The following FSTL5 variants were observed in gnomAD, a reference collection of about 807,000 sequenced individuals.
The protein encoded by FSTL5 is follistatin-related protein 5.
A neutral mutation model predicts 89.1 loss-of-function variants in FSTL5; 62 were observed. The ratio of observed to expected loss-of-function variants is 0.70; its 90% CI spans 0.57 to 0.86. The LOEUF is 0.86. Among genes scored for constraint, FSTL5 ranks in the 40% least tolerant of loss-of-function variants. The pLI is 0.00. For missense variants in FSTL5, 1,057 were observed against 1,001.6 expected (o/e 1.06, Z -0.75); for synonymous variants, 383 against 346.2 (o/e 1.11, Z -1.18).
At chr4:161,492,981 C>T (rs1466063891) in intron 12 of FSTL5, among the ~76,000 whole-genome samples, 1 of 151,762 alleles carries the variant, frequency 6.6e-6, no homozygotes, top group Non-Finnish European at 1.5e-5. Flanking sequence ...TCACCACCTC[C>T]AAACTGATAT....
intron 8 of FSTL5, among the ~76,000 whole-genome samples, chr4:161,549,089 T>C (rs1165158030): frequency 6.6e-6 from 1 of 151,754 alleles, no homozygotes; most frequent in East Asian, 1.9e-4. Flanking sequence ...TCAAGTGAAT[T>C]CTAGACCTCA....
Position 161,386,124 on chromosome 4 carries a change from T to C in FSTL5, c.2167A>G (p.Ile723Val). The change falls in exon 16 of 16, where the codon ATC (isoleucine) becomes GTC (valine). Residue 723 changes from isoleucine (I) to valine (V), a missense_variant. Ile to Val is a conservative substitution (Grantham distance 29). Transcript: ENST00000306100. ...KGLVRVQYITIRGEIQEAFDI... is the reference protein window; with the variant it reads ...KGLVRVQYITVRGEIQEAFDI... ...AAAGCCTCCTGTATTTCTCCTCTGATGGTAATGTACTGAACCCTTACAAGA... is the reference window on the plus strand; with the variant it reads ...AAAGCCTCCTGTATTTCTCCTCTGACGGTAATGTACTGAACCCTTACAAGA... 3 of 1,614,056 alleles carry C rather than the reference T, an allele frequency of 1.9e-6. No homozygotes were observed. Among genetic ancestry groups the C allele is most frequent in the Non-Finnish European group, 2.5e-6 (3 of 1,179,974 alleles).
At chr4:161,952,840 T>C (rs939301277) in intron 3 of FSTL5, among the ~76,000 whole-genome samples, 1 of 151,824 alleles carries the variant, frequency 6.6e-6, no homozygotes, top group Non-Finnish European at 1.5e-5. Flanking sequence ...AACTCAACTT[T>C]AGTCATTATA....
intron 4 of FSTL5, among the ~76,000 whole-genome samples, chr4:161,831,584 G>A (rs532622571): frequency 2.0e-5 from 3 of 151,758 alleles, no homozygotes; most frequent in Admixed American, 6.6e-5. Context: ...CAGTTTCAAA[G>A]TGTTACATTA....
chr4:162,146,687 TCCCTTCCCTTCCCTTCCCTTC>T (rs1214016014), intron 1 of FSTL5, among the ~76,000 whole-genome samples: 13 of 84,844 alleles, frequency 1.5e-4, no homozygotes, highest in East Asian at 1.1e-3. Context: ...TCCCTTCCCT[TCCCTTCCCTTCCCTTCCCTTC>T]CCCTTCCCCT....
Position 161,643,054 on chromosome 4 carries a change from T to A in FSTL5, c.894+13274A>T, listed in dbSNP as rs1172539866. On this transcript the variant is annotated intron_variant, in intron 7 of 15. Transcript: ENST00000306100. ...ATGTTGGTTTATATAAGTCTTGTTC[T>A]AAATACATGAGTTAATATTTTTTTA... 2.6e-5 allele frequency among the ~76,000 whole-genome samples: 4 copies of A among 152,352 alleles called. No individual in the cohort carries two copies. The East Asian group carries it at 7.7e-4, about 29-fold the overall frequency.
chr4:161,741,066 T>C (rs1740009738), intron 6 of FSTL5, among the ~76,000 whole-genome samples: 1 of 152,174 alleles, frequency 6.6e-6, no homozygotes, highest in South Asian at 2.1e-4. Context: ...CTGTCTCCTA[T>C]TGTCATCACA....
intron 2 of FSTL5, among the ~76,000 whole-genome samples, chr4:162,036,366 G>A (rs977280194): frequency 1.3e-5 from 2 of 151,934 alleles, no homozygotes; most frequent in African/African-American, 4.8e-5. Flanking sequence ...GTCACCCTGT[G>A]TTACTCTGTC....
At chr4:161,688,833 A>T (rs1328885146) in intron 6 of FSTL5, among the ~76,000 whole-genome samples, 1 of 152,174 alleles carries the variant, frequency 6.6e-6, no homozygotes, top group East Asian at 1.9e-4. Context: ...TGAAACCAAC[A>T]GCCTTCTCAA....
intron 6 of FSTL5, among the ~76,000 whole-genome samples, chr4:161,687,037 T>G (rs891910740): frequency 6.6e-6 from 1 of 152,094 alleles, no homozygotes; most frequent in African/African-American, 2.4e-5. Context: ...ACATACACAT[T>G]TTGAAAATTA....
intron 14 of FSTL5, among the ~76,000 whole-genome samples, chr4:161,455,435 A>T (rs2126401922): frequency 6.6e-6 from 1 of 152,276 alleles, no homozygotes; most frequent in African/African-American, 2.4e-5. Context: ...ATCTTCTTAC[A>T]AAGAGAAAAA....
intron 6 of FSTL5, among the ~76,000 whole-genome samples, chr4:161,688,480 T>C (rs1737817547): frequency 6.6e-6 from 1 of 152,186 alleles, no homozygotes; most frequent in Non-Finnish European, 1.5e-5. Flanking sequence ...CAGAATCATT[T>C]CTACCACATT....
At chr4:161,389,506 C>T (rs1258448212) in intron 15 of FSTL5, among the ~76,000 whole-genome samples, 1 of 152,066 alleles carries the variant, frequency 6.6e-6, no homozygotes, top group Admixed American at 6.6e-5. Flanking sequence ...TTAATTACTG[C>T]TTTTATGATT....
intron 2 of FSTL5, among the ~76,000 whole-genome samples, chr4:162,058,784 T>A (rs1738635144): frequency 6.6e-6 from 1 of 152,004 alleles, no homozygotes; most frequent in Non-Finnish European, 1.5e-5. Context: ...TAAAATGGAG[T>A]TAGATTTCAA....
chr4:161,638,186 T>G (rs1735799889), intron 7 of FSTL5, among the ~76,000 whole-genome samples: 1 of 151,626 alleles, frequency 6.6e-6, no homozygotes, highest in Non-Finnish European at 1.5e-5. Context: ...TCACATCCCT[T>G]GTAAGTTGGA....
At chr4:161,629,573 G>T (rs576940392) in intron 7 of FSTL5, among the ~76,000 whole-genome samples, 48 of 152,146 alleles carry the variant, frequency 3.2e-4, no homozygotes, top group Non-Finnish European at 5.7e-4. Context: ...CTGAACTTCT[G>T]ACCTCAGGTA....
intron 7 of FSTL5, among the ~76,000 whole-genome samples, chr4:161,642,993 A>T (rs1231814656): frequency 6.6e-6 from 1 of 152,184 alleles, no homozygotes; most frequent in East Asian, 1.9e-4. Flanking sequence ...ATTAGAAAAA[A>T]TCAATTTAAA....
intron 13 of FSTL5, among the ~76,000 whole-genome samples, chr4:161,461,264 G>A (rs377067894): frequency 1.5e-5 from 2 of 130,740 alleles, no homozygotes; most frequent in Non-Finnish European, 3.1e-5. Context: ...ATACCACGGC[G>A]AAACCCCGTC....
intron 15 of FSTL5, among the ~76,000 whole-genome samples, chr4:161,448,988 T>C (rs955623837): frequency 5.3e-5 from 8 of 152,118 alleles, no homozygotes; most frequent in African/African-American, 1.7e-4. Flanking sequence ...ACAAAACCTT[T>C]TGAACACTAG....
Sources: allele counts gnomAD v4.1 joint callset (sites outside exome capture counted in the v4.1 genomes callset), GRCh38; gene constraint gnomAD v4.1.1; transcripts MANE v1.5; gene names NCBI Gene and HGNC (gene_info 2026-07-23, HGNC 2026-07-21).